TYW1B: variants seen among roughly 807,000 people sequenced by gnomAD.
TYW1B encodes the protein S-adenosyl-L-methionine-dependent tRNA 4-demethylwyosine synthase TYW1B.
TYW1B carries 73 observed loss-of-function variants against 86.9 expected under a neutral mutation model. The ratio of observed to expected loss-of-function variants is 0.84; its 90% CI spans 0.70 to 1.02. TYW1B has a LOEUF of 1.02. Ranked by LOEUF, TYW1B falls within the 50% of genes least tolerant of loss-of-function variation. The probability of loss-of-function intolerance (pLI) is 0.00; values close to 1 mark genes in which losing one functional copy is unlikely to be tolerated. For synonymous variants in TYW1B, 248 were observed against 292.8 expected (o/e 0.85, Z 1.56); for missense variants, 637 against 827.4 (o/e 0.77, Z 2.82).
chr7:72,701,913 G>A (rs3015939), intron 10 of TYW1B, among the ~76,000 whole-genome samples: 8,502 of 152,172 alleles, frequency 0.056, 550 homozygotes, highest in East Asian at 0.33. Context: ...TTGCAACTCT[G>A]CCTTGGTTTT....
chr7:72,595,259 A>G (rs567522790), intron 13 of TYW1B, among the ~76,000 whole-genome samples: 2 of 152,224 alleles, frequency 1.3e-5, no homozygotes, highest in Non-Finnish European at 2.9e-5. Context: ...CAACCAAAAA[A>G]CTGTTTAAAC....
intron 8 of TYW1B, among the ~76,000 whole-genome samples, chr7:72,739,618 A>C (rs1203370585): frequency 9.2e-5 from 14 of 151,370 alleles, no homozygotes; most frequent in Non-Finnish European, 1.3e-4. Context: ...AAAAAAAAAA[A>C]AAAAGTGGGT....
intron 11 of TYW1B, among the ~76,000 whole-genome samples, chr7:72,640,790 G>A (rs1358710209): frequency 3.9e-5 from 6 of 152,028 alleles, no homozygotes; most frequent in East Asian, 3.8e-4. Flanking sequence ...AACTTTCTCC[G>A]TAACTAACAA....
At chr7:72,794,443 C>G (rs1324645151) in intron 6 of TYW1B, among the ~76,000 whole-genome samples, 1 of 151,974 alleles carries the variant, frequency 6.6e-6, no homozygotes, top group African/African-American at 2.4e-5. Context: ...GTAATCGCAG[C>G]TACTCAGGAG....
chr7:72,622,604 C>T (rs879986601), intron 12 of TYW1B, among the ~76,000 whole-genome samples: 13 of 152,040 alleles, frequency 8.6e-5, no homozygotes, highest in African/African-American at 1.4e-4. Context: ...AGATCTGACA[C>T]GCACACACGG....
chr7:72,803,822 C>T (rs1373614419), intron 5 of TYW1B, among the ~76,000 whole-genome samples: 1 of 151,848 alleles, frequency 6.6e-6, no homozygotes, highest in African/African-American at 2.4e-5. Context: ...CCATGTCAGC[C>T]AGGCTGGTCT....
intron 12 of TYW1B, among the ~76,000 whole-genome samples, chr7:72,621,580 T>C (rs1288448935): frequency 6.6e-6 from 1 of 152,230 alleles, no homozygotes; most frequent in African/African-American, 2.4e-5. Context: ...ACCTCTACGC[T>C]ATCTGACCCT....
chr7:72,607,541 TAATC>T (rs1326532363), intron 13 of TYW1B, among the ~76,000 whole-genome samples: 5 of 150,582 alleles, frequency 3.3e-5, no homozygotes, highest in Admixed American at 3.3e-4. Flanking sequence ...AATAGGAAAA[TAATC>T]AAATGGAAAT....
intron 2 of TYW1B, 71 bp downstream of exon 2, chr7:72,826,784 C>T (rs1788938570): frequency 3.9e-5 from 59 of 1,528,700 alleles, no homozygotes; most frequent in Non-Finnish European, 4.6e-5. Flanking sequence ...ATTAAAGGTT[C>T]CTTTTAGTGT....
chr7:72,777,819 G>A (rs1787984005), intron 6 of TYW1B, among the ~76,000 whole-genome samples: 1 of 152,150 alleles, frequency 6.6e-6, no homozygotes, highest in African/African-American at 2.4e-5. Flanking sequence ...AGGAGGCTGA[G>A]GCAGGAGAAT....
intron 7 of TYW1B, chr7:72,769,159 G>T: frequency 2.2e-6 from 1 of 458,098 alleles, no homozygotes; most frequent in South Asian, 4.3e-5. Context: ...CATGTGTGCT[G>T]CATTGGAACT....
At chr7:72,799,060 C>T (rs1327119083) in intron 6 of TYW1B, among the ~76,000 whole-genome samples, 20 of 151,452 alleles carry the variant, frequency 1.3e-4, no homozygotes, top group Middle Eastern at 3.4e-3. Context: ...TCAGGCTGGT[C>T]TCGAACTCCT....
intron 2 of TYW1B, among the ~76,000 whole-genome samples, chr7:72,820,854 T>A (rs1377319513): frequency 6.6e-6 from 1 of 152,124 alleles, no homozygotes; most frequent in African/African-American, 2.4e-5. Context: ...ACTGTCCAAA[T>A]CCAGACAAAA....
chr7:72,812,897 G>A (rs1788647899), intron 3 of TYW1B, among the ~76,000 whole-genome samples: 1 of 151,896 alleles, frequency 6.6e-6, no homozygotes, highest in East Asian at 1.9e-4. Flanking sequence ...TCACCACATT[G>A]CCCAGGCTGC....
rs141491022 is a variant in TYW1B at position 72,621,056 on chromosome 7, C to T, written c.1618-4217G>A. ...GGCTGCCATACTGTGGCTATCTGAG[C>T]GTTCAAACCTCATGCTGAAATGTGA... is the stretch of plus-strand genomic sequence containing the variant. On this transcript the variant is annotated intron_variant, in intron 12 of 13. Transcript: ENST00000620995. Among the ~76,000 whole-genome samples the T allele has an allele frequency of 2.3e-3, 353 of 152,296 alleles. 3 individuals carry two copies. Among genetic ancestry groups the T allele is most frequent in the African/African-American group, 7.8e-3 (326 of 41,564 alleles).
At chr7:72,613,401 C>CTTTTTTTTTTTT (rs71517349) in intron 13 of TYW1B, among the ~76,000 whole-genome samples, 72 of 80,972 alleles carry the variant, frequency 8.9e-4, no homozygotes, top group Non-Finnish European at 9.2e-4. Flanking sequence ...TTTATATCTT[C>CTTTTTTTTTTTT]TTTTTTTTTT....
chr7:72,617,137 T>C (rs1484079987), intron 12 of TYW1B, among the ~76,000 whole-genome samples: 3 of 152,342 alleles, frequency 2.0e-5, no homozygotes, highest in South Asian at 2.1e-4. Context: ...TTTGAATCAA[T>C]AGCATGTCTT....
intron 9 of TYW1B, among the ~76,000 whole-genome samples, chr7:72,718,953 C>G (rs1337637308): frequency 6.6e-6 from 1 of 152,070 alleles, no homozygotes; most frequent in Non-Finnish European, 1.5e-5. Context: ...CTTGGTCAAG[C>G]CTCTCCCACC....
At chr7:72,702,986 C>CTATATATATATA (rs371144509) in intron 10 of TYW1B, among the ~76,000 whole-genome samples, 4 of 36,314 alleles carry the variant, frequency 1.1e-4, no homozygotes, top group South Asian at 2.1e-3. Context: ...ATCTATCTAT[C>CTATATATATATA]TATATATATA....
Sources: gnomAD v4.1 joint callset for allele counts (sites outside exome capture counted in the v4.1 genomes callset) on GRCh38, gnomAD v4.1.1 for gene constraint, MANE v1.5 for transcripts, NCBI Gene and HGNC (gene_info 2026-07-23, HGNC 2026-07-21) for gene names.